The following ALMS1 variants were observed in gnomAD, a reference collection of about 807,000 sequenced individuals.
ALMS1 encodes the protein centrosome-associated protein ALMS1.
ALMS1 carries 271 observed loss-of-function variants against 352.2 expected under a neutral mutation model. The observed-to-expected ratio is 0.77, with a 90% CI of 0.70 to 0.85. ALMS1 has a LOEUF of 0.85. ALMS1 is among the 40% of genes least tolerant of loss of function. The pLI is 0.00. For missense variants in ALMS1, 5,445 were observed against 4,870.7 expected, an observed-to-expected ratio of 1.12 and a Z score of -3.51; for synonymous variants, 1,865 against 1,761.2, an observed-to-expected ratio of 1.06 and a Z score of -1.48.
Position 73,596,860 on chromosome 2 carries a change from C to CTTT in ALMS1, c.11548-2525_11548-2523dup, listed in dbSNP as rs70965740. On this transcript the variant is annotated intron_variant, in intron 16 of 22. Transcript: ENST00000613296. ...ATCAGGAAATATAAGCCCTCTACCT[C>CTTT]TTTTTTTTTTTTTTTTTTCTTTTTT... Among the ~76,000 whole-genome samples the CTTT allele has an allele frequency of 4.8e-3, 500 of 104,214 alleles. 6 individuals are homozygous for CTTT. The highest frequency in any genetic ancestry group is 0.012 in the African/African-American group (319 of 27,462). The allele number at this position is 104,214 out of a possible 152,430, so 68.4% of individuals were successfully genotyped here.
chr2:73,556,853 C>T (rs1674555873), intron 13 of ALMS1, among the ~76,000 whole-genome samples: 1 of 152,030 alleles, frequency 6.6e-6, no homozygotes, highest in Non-Finnish European at 1.5e-5. Context: ...CAGGCGTGCA[C>T]CACGACGCCT....
chr2:73,426,934 A>G (rs1310582707), intron 6 of ALMS1, among the ~76,000 whole-genome samples: 2 of 152,176 alleles, frequency 1.3e-5, no homozygotes, highest in Non-Finnish European at 2.9e-5. Context: ...TGTAACTTGT[A>G]CCTGTTCTTC....
At chr2:73,494,420 A>G (rs989093672) in intron 10 of ALMS1, among the ~76,000 whole-genome samples, 1 of 152,218 alleles carries the variant, frequency 6.6e-6, no homozygotes, top group African/African-American at 2.4e-5. Flanking sequence ...ATTTATCAAA[A>G]TAAGAAATTA....
At chr2:73,505,106 CT>C (rs1178778557) in intron 10 of ALMS1, among the ~76,000 whole-genome samples, 5 of 152,148 alleles carry the variant, frequency 3.3e-5, no homozygotes, top group African/African-American at 1.2e-4. Context: ...GCCACATTTT[CT>C]TTATCCAGTC....
At chr2:73,547,876 A>G (rs954681109) in intron 12 of ALMS1, among the ~76,000 whole-genome samples, 4 of 152,178 alleles carry the variant, frequency 2.6e-5, no homozygotes, top group Non-Finnish European at 4.4e-5. Context: ...TGAGTATCAC[A>G]GTGTTATCTA....
rs1041863481 is a variant in ALMS1, at chr2:73,395,052, A to G, written c.324+8860A>G. ...TGTATATATATGTGTGTGTATATAT[A>G]TATATGTGTATATATATATATATAT... On this transcript the variant is annotated intron_variant, in intron 1 of 22. Coordinates refer to ENST00000613296, the MANE Select transcript of ALMS1 (RefSeq NM_001378454.1). Among the ~76,000 whole-genome samples, 7 of 129,106 alleles carry G rather than the reference A, an allele frequency of 5.4e-5. 1 individual carries two copies. The highest frequency in any genetic ancestry group is 2.1e-4 in the African/African-American group (7 of 33,936). 84.7% of individuals were successfully genotyped at this position (129,106 alleles called of 152,430 possible).
chr2:73,603,552 C>A (rs550558551), intron 21 of ALMS1: 3 of 471,962 alleles, frequency 6.4e-6, no homozygotes, highest in East Asian at 8.3e-5. Flanking sequence ...TTATTAGAAA[C>A]CTAAATGTAA....
At chr2:73,469,150 A>G (rs183063089) in intron 9 of ALMS1, among the ~76,000 whole-genome samples, 47 of 152,084 alleles carry the variant, frequency 3.1e-4, no homozygotes, top group African/African-American at 1.1e-3. Flanking sequence ...TCAGTACTTT[A>G]TATCATTTAG....
At chr2:73,532,216 G>A (rs1002136237) in intron 11 of ALMS1, among the ~76,000 whole-genome samples, 6 of 152,246 alleles carry the variant, frequency 3.9e-5, no homozygotes, top group South Asian at 2.1e-4. Flanking sequence ...ACTGGTTCTC[G>A]CCTGAGGTCT....
At chr2:73,461,584 C>A (rs1016949954) in intron 9 of ALMS1, among the ~76,000 whole-genome samples, 1 of 152,194 alleles carries the variant, frequency 6.6e-6, no homozygotes, top group African/African-American at 2.4e-5. Flanking sequence ...TCCTCAGCAG[C>A]AACGGAACAA....
chr2:73,550,335 G>A lies in ALMS1; in HGVS notation c.9976G>A (p.Ala3326Thr), dbSNP rs201213079. 1.2e-6 allele frequency: 2 copies of A among 1,614,138 alleles called. No homozygotes were observed. The change falls in exon 13 of 23, where the codon GCC (alanine) becomes ACC (threonine). Residue 3326 changes from alanine to threonine, a missense_variant. By Grantham distance (58) the Ala-to-Thr change is moderately conservative (BLOSUM62 0). Coordinates refer to ENST00000613296, the MANE Select transcript of ALMS1 (RefSeq NM_001378454.1). ...AGGCACAAGAGATGATGACCTCTCA[G>A]CCACTGTTAACATTAAACATAAAGA... ...VLGTRDDDLS[A>T]TVNIKHKEGI...
At position 73,451,283 on chromosome 2, in the gene ALMS1, C is replaced by A. The variant is rs768373356; in HGVS notation, c.4756C>A (p.Pro1586Thr). 6.2e-7 allele frequency: 1 copy of A among 1,613,982 alleles called. No homozygotes were observed. Among genetic ancestry groups the A allele is most frequent in the Middle Eastern group, 1.6e-4 (1 of 6,062 alleles). The change falls in exon 8 of 23, where the codon CCA (proline) becomes ACA (threonine). Residue 1586 changes from proline to threonine, a missense_variant. Physicochemically the swap from Pro to Thr is conservative, Grantham distance 38. Transcript: ENST00000613296. ...GATTGTTAACTACAAACAGGCCTTT[C>A]CAGATGGTCATCTACCTGAAGAGGC... ...KPIVNYKQAF[P>T]DGHLPEEALK...
chr2:73,406,949 A>G (rs1209819196), intron 1 of ALMS1, among the ~76,000 whole-genome samples: 1 of 152,240 alleles, frequency 6.6e-6, no homozygotes, highest in Non-Finnish European at 1.5e-5. Flanking sequence ...CCTGTTAACA[A>G]CATTTTACTG....
In ALMS1 at chr2:73,489,959, G is replaced by A; in HGVS notation, c.8000G>A (p.Gly2667Asp). 4 of 1,614,174 alleles carry A rather than the reference G, an allele frequency of 2.5e-6. No individual in the cohort carries two copies. The highest frequency in any genetic ancestry group is 3.4e-6 in the Non-Finnish European group (4 of 1,180,026). ...FIPDEFKISK[G>D]LRMPFDEKMD... is the part of the protein sequence containing the mutation. Reference sequence around the variant, plus strand: ...CCTGATGAATTCAAAATCAGCAAAGGTCTTCGAATGCCATTCGATGAAAAG... The same window carrying A: ...CCTGATGAATTCAAAATCAGCAAAGATCTTCGAATGCCATTCGATGAAAAG... The change falls in exon 10 of 23, where the codon GGT becomes GAT. Residue 2667 changes from glycine to aspartate, a missense_variant. Transcript: ENST00000613296.
intron 12 of ALMS1, among the ~76,000 whole-genome samples, chr2:73,544,563 G>T (rs1573009018): frequency 6.6e-6 from 1 of 152,080 alleles, no homozygotes; most frequent in East Asian, 1.9e-4. Flanking sequence ...TATCAGTGTT[G>T]TCAGGGACAT....
intron 9 of ALMS1, among the ~76,000 whole-genome samples, chr2:73,468,491 C>G (rs1476760181): frequency 6.6e-6 from 1 of 151,992 alleles, no homozygotes; most frequent in Non-Finnish European, 1.5e-5. Flanking sequence ...GTCTCCAAGA[C>G]TCTTTTCATC....
At chr2:73,474,911 C>T (rs1329313812) in intron 9 of ALMS1, among the ~76,000 whole-genome samples, 1 of 152,098 alleles carries the variant, frequency 6.6e-6, no homozygotes, top group Non-Finnish European at 1.5e-5. Flanking sequence ...TCCCCCAATT[C>T]CCTAGCCCTA....
At chr2:73,605,599 A>G (rs1675799103) in intron 21 of ALMS1, among the ~76,000 whole-genome samples, 1 of 152,218 alleles carries the variant, frequency 6.6e-6, no homozygotes, top group Non-Finnish European at 1.5e-5. Flanking sequence ...CTATAATCCC[A>G]ACACTTTGGG....
chr2:73,515,517 A>C (rs1397545682), intron 10 of ALMS1, among the ~76,000 whole-genome samples: 1 of 152,092 alleles, frequency 6.6e-6, no homozygotes, highest in Non-Finnish European at 1.5e-5. Flanking sequence ...ATTTGCATCT[A>C]GAGGGACTAG....
Sources: gnomAD v4.1 joint callset for allele counts (sites outside exome capture counted in the v4.1 genomes callset) on GRCh38, gnomAD v4.1.1 for gene constraint, MANE v1.5 for transcripts, NCBI Gene and HGNC (gene_info 2026-07-23, HGNC 2026-07-21) for gene names.